The following STK3 variants were observed in gnomAD, a reference collection of about 807,000 sequenced individuals.
STK3 encodes serine/threonine-protein kinase 3.
Under a neutral mutation model 58.0 loss-of-function variants are expected in STK3, and 41 were observed. The ratio of observed to expected loss-of-function variants is 0.71; its 90% CI spans 0.55 to 0.92. STK3 has a LOEUF of 0.92. Among genes scored for constraint, STK3 ranks in the 40% least tolerant of loss-of-function variants. The probability of loss-of-function intolerance (pLI) is 0.00; values close to 1 mark genes in which losing one functional copy is unlikely to be tolerated. For synonymous variants in STK3, 170 were observed against 191.0 expected, an observed-to-expected ratio of 0.89 and a Z score of 0.91; for missense variants, 479 against 602.7, an observed-to-expected ratio of 0.79 and a Z score of 2.15.
chr8:98,867,542 A>G (rs956574446), intron 3 of STK3, among the ~76,000 whole-genome samples: 4 of 152,144 alleles, frequency 2.6e-5, no homozygotes, highest in Non-Finnish European at 5.9e-5. Context: ...CCTGCCTCAG[A>G]AAGGAAAAAA....
chr8:98,649,756 C>A (rs1587150451), intron 6 of STK3, among the ~76,000 whole-genome samples: 1 of 152,092 alleles, frequency 6.6e-6, no homozygotes, highest in Admixed American at 6.5e-5. Context: ...GGAATTTTAA[C>A]TAGAACTGCA....
chr8:98,392,100 A>G (rs1462164094), upstream of STK3, among the ~76,000 whole-genome samples: 2 of 152,130 alleles, frequency 1.3e-5, no homozygotes, highest in African/African-American at 4.8e-5. Context: ...CAATAAAAGA[A>G]ATCTTTCTGA....
intron 3 of STK3, among the ~76,000 whole-genome samples, chr8:98,853,030 A>G (rs1402526328): frequency 6.6e-6 from 1 of 152,078 alleles, no homozygotes; most frequent in Non-Finnish European, 1.5e-5. Flanking sequence ...TCTGGGACAT[A>G]TAAAATGTCA....
At chr8:98,345,963 C>T in the STK3 span, among the ~76,000 whole-genome samples, 95 of 152,032 alleles carry the variant, frequency 6.2e-4, 1 homozygote, top group African/African-American at 1.8e-3. Flanking sequence ...TAAAATGAAA[C>T]GCAGAGAGAA....
chr8:98,654,318 T>C (rs975432665), intron 6 of STK3, among the ~76,000 whole-genome samples: 2 of 152,208 alleles, frequency 1.3e-5, no homozygotes, highest in Admixed American at 1.3e-4. Flanking sequence ...AAGTTAGGTA[T>C]TGATGGGACG....
chr8:98,529,795 C>T (rs939581146), intron 9 of STK3, among the ~76,000 whole-genome samples: 3 of 152,082 alleles, frequency 2.0e-5, no homozygotes, highest in Admixed American at 2.0e-4. Flanking sequence ...CTGTATGATT[C>T]CACTTATGTC....
At chr8:98,663,670 A>G (rs1385892608) in intron 6 of STK3, among the ~76,000 whole-genome samples, 1 of 152,194 alleles carries the variant, frequency 6.6e-6, no homozygotes, top group African/African-American at 2.4e-5. Flanking sequence ...GCACATATAC[A>G]CCATGGAATA....
At chr8:98,599,953 A>G (rs1178010603) in intron 6 of STK3, among the ~76,000 whole-genome samples, 1 of 152,148 alleles carries the variant, frequency 6.6e-6, no homozygotes, top group Non-Finnish European at 1.5e-5. Flanking sequence ...GGGCAACAAG[A>G]GGGAAACTCC....
At chr8:98,670,968 G>A (rs1012510944) in intron 6 of STK3, among the ~76,000 whole-genome samples, 1 of 152,220 alleles carries the variant, frequency 6.6e-6, no homozygotes, top group Admixed American at 6.5e-5. Context: ...CCACACTGGA[G>A]TGCAAGCCAG....
At chr8:98,413,387 C>A (rs1262269278) in intron 3 of STK3, 1 of 542,258 alleles carries the variant, frequency 1.8e-6, no homozygotes, top group African/African-American at 1.9e-5. Context: ...TATCTTGGAT[C>A]CTTGGCTACA....
Position 98,428,187 on chromosome 8 carries a change from T to C in STK3, n.483+5940A>G, listed in dbSNP as rs761366150. On this transcript the variant is annotated intron_variant and non_coding_transcript_variant, in intron 3 of 3. Coordinates refer to the STK3 transcript ENST00000517832. This position sits in a 1 kb window ranked among gnomAD's most constrained non-coding sequence, Gnocchi z 6.7. ...CTACGACGACGTCCAGCGGGAGTTCTACTTCGACCGCAACCCTGAGCTCTT... is the reference window on the plus strand; with the variant it reads ...CTACGACGACGTCCAGCGGGAGTTCCACTTCGACCGCAACCCTGAGCTCTT... 1 of 1,614,134 alleles carries C rather than the reference T, an allele frequency of 6.2e-7. No individual in the cohort carries two copies. Among genetic ancestry groups the C allele is most frequent in the South Asian group, 1.1e-5 (1 of 91,080 alleles).
intron 1 of STK3, among the ~76,000 whole-genome samples, chr8:98,923,431 TG>T (rs971346959): frequency 6.6e-6 from 1 of 152,312 alleles, no homozygotes; most frequent in Admixed American, 6.5e-5. Flanking sequence ...CATTGATAGT[TG>T]GCAAAGATGA....
At chr8:98,688,509 C>A (rs1174521625) in intron 6 of STK3, among the ~76,000 whole-genome samples, 1 of 152,092 alleles carries the variant, frequency 6.6e-6, no homozygotes, top group African/African-American at 2.4e-5. Flanking sequence ...CAAAGACTGA[C>A]CACCTGCTCA....
intron 6 of STK3, chr8:98,598,943 T>C (rs1239217690): frequency 5.1e-6 from 5 of 975,754 alleles, no homozygotes; most frequent in Non-Finnish European, 6.1e-6. Flanking sequence ...GCCTGAAATG[T>C]CATGCCTTAG....
intron 6 of STK3, among the ~76,000 whole-genome samples, chr8:98,682,576 G>A (rs1218962549): frequency 6.6e-6 from 1 of 151,992 alleles, no homozygotes; most frequent in East Asian, 1.9e-4. Context: ...AATAAAGATG[G>A]TTCTATTCAT....
At chr8:98,394,952 G>A (rs540031814) in intron 3 of STK3, among the ~76,000 whole-genome samples, 1 of 152,324 alleles carries the variant, frequency 6.6e-6, no homozygotes, top group South Asian at 2.1e-4. Flanking sequence ...GCATTTCAAT[G>A]TTTGTTTAGA....
chr8:98,670,410 G>A (rs925843368), intron 6 of STK3, among the ~76,000 whole-genome samples: 1 of 152,078 alleles, frequency 6.6e-6, no homozygotes, highest in Non-Finnish European at 1.5e-5. Context: ...AAGAAGTACT[G>A]ACACATGATA....
intron 6 of STK3, among the ~76,000 whole-genome samples, chr8:98,698,743 T>C (rs1825242322): frequency 1.3e-5 from 2 of 152,250 alleles, no homozygotes; most frequent in Non-Finnish European, 2.9e-5. Context: ...GCTGTTAGTC[T>C]GATGGGCTTC....
chr8:98,871,248 C>T (rs1837367185), intron 3 of STK3, among the ~76,000 whole-genome samples: 1 of 152,112 alleles, frequency 6.6e-6, no homozygotes, highest in African/African-American at 2.4e-5. Context: ...TTACTGTAGC[C>T]TTGTAGTATA....
Sources: allele counts gnomAD v4.1 joint callset (sites outside exome capture counted in the v4.1 genomes callset), GRCh38; gene constraint gnomAD v4.1.1; non-coding constraint Gnocchi (gnomAD v3.1); transcripts MANE v1.5; gene names NCBI Gene and HGNC (gene_info 2026-07-23, HGNC 2026-07-21).